SIK2: variants seen among roughly 807,000 people sequenced by gnomAD.
SIK2 encodes the protein salt inducible kinase 2.
In SIK2, 29 loss-of-function variants were observed where a neutral mutation model predicts 103.2. The observed-to-expected ratio is 0.28, with a 90% CI of 0.21 to 0.38. The LOEUF is 0.38. SIK2 is among the 10% of genes least tolerant of loss of function. The pLI, the probability that SIK2 is intolerant of heterozygous loss-of-function variation, is 1.00. For missense variants in SIK2, 879 were observed against 1,171.0 expected, an observed-to-expected ratio of 0.75 and a Z score of 3.64; for synonymous variants, 412 against 446.1, an observed-to-expected ratio of 0.92 and a Z score of 0.96.
rs112539611 is a variant in SIK2, at chr11:111,706,795, A to G, written c.1101+1656A>G. ...GCCAACATGGTGAAACCCCGTCTCT[A>G]CTAAAAATACAAAAATTAGCCGAGT... is the stretch of plus-strand genomic sequence containing the variant. On this transcript the variant is annotated intron_variant, in intron 8 of 14. Coordinates refer to ENST00000304987, the MANE Select transcript of SIK2 (RefSeq NM_015191.3). 4.4e-3 allele frequency among the ~76,000 whole-genome samples: 673 copies of G among 152,120 alleles called. 3 individuals are homozygous for G. The highest frequency in any genetic ancestry group is 0.015 in the African/African-American group (634 of 41,490).
intron 4 of SIK2, among the ~76,000 whole-genome samples, chr11:111,698,512 C>T (rs977722898): frequency 8.4e-4 from 128 of 152,284 alleles, no homozygotes; most frequent in African/African-American, 2.7e-3. Context: ...GAGGCCACAG[C>T]GGGTGGATTG....
intron 8 of SIK2, among the ~76,000 whole-genome samples, chr11:111,707,130 C>A (rs544325428): frequency 6.6e-6 from 1 of 152,040 alleles, no homozygotes; most frequent in Non-Finnish European, 1.5e-5. Flanking sequence ...ACATGTAAGA[C>A]GTAGTGGAAC....
intron 3 of SIK2, among the ~76,000 whole-genome samples, chr11:111,685,874 T>C (rs181830403): frequency 2.8e-4 from 42 of 151,800 alleles, no homozygotes; most frequent in African/African-American, 9.9e-4. Flanking sequence ...ACAAATAAAA[T>C]AAAAGGATGG....
At position 111,727,230 on chromosome 11, in the gene SIK2, C is replaced by T. The variant is rs150560721; in HGVS notation, c.*3101C>T. The T allele has an allele frequency of 2.7e-5, 17 of 625,652 alleles. No individual in the cohort carries two copies. The highest frequency in any genetic ancestry group is 9.1e-5 in the African/African-American group (5 of 54,824). 38.8% of individuals were successfully genotyped at this position (625,652 alleles called of 1,614,324 possible). On this transcript the variant is annotated 3_prime_UTR_variant, in exon 15 of 15. Coordinates refer to ENST00000304987, the MANE Select transcript of SIK2 (RefSeq NM_015191.3). ...ACACCATCCACCTTGAGAATCCCTG[C>T]GTGGGAGAGCATCAGGGCCCACCAG...
intron 3 of SIK2, among the ~76,000 whole-genome samples, chr11:111,662,275 T>C (rs1942477302): frequency 6.6e-6 from 1 of 152,202 alleles, no homozygotes. Flanking sequence ...ATTCGTCAAT[T>C]CAGCAAATAT....
chr11:111,687,841 G>A (rs1286917889), intron 3 of SIK2, among the ~76,000 whole-genome samples, 160 bp from the exon 4 acceptor site: 2 of 151,902 alleles, frequency 1.3e-5, no homozygotes, highest in African/African-American at 4.8e-5. Context: ...TCCTGACCTC[G>A]TGATCTGCCC....
intron 1 of SIK2, among the ~76,000 whole-genome samples, chr11:111,609,762 A>G (rs975239838): frequency 6.6e-6 from 1 of 152,254 alleles, no homozygotes; most frequent in Non-Finnish European, 1.5e-5. Context: ...TACTGCTTTC[A>G]GAAAGTCTTT....
At chr11:111,715,639 G>T (rs1449793355) in intron 9 of SIK2, among the ~76,000 whole-genome samples, 2 of 152,104 alleles carry the variant, frequency 1.3e-5, no homozygotes, top group East Asian at 1.9e-4. Context: ...GTTGGATCAG[G>T]TGTTCCAAAC....
chr11:111,711,187 T>C (rs1268019691), intron 8 of SIK2, among the ~76,000 whole-genome samples: 21 of 151,854 alleles, frequency 1.4e-4, no homozygotes, highest in African/African-American at 4.8e-4. Context: ...GGCGGGATCT[T>C]GGCTCACTGC....
rs1941600211 is a variant in SIK2 at position 111,602,739 on chromosome 11, T to C, written c.135+41T>C. 1.4e-6 allele frequency: 2 copies of C among 1,464,010 alleles called. No homozygotes were observed. Among genetic ancestry groups the C allele is most frequent in the Non-Finnish European group, 1.8e-6 (2 of 1,106,526 alleles). 90.7% of individuals were successfully genotyped at this position (1,464,010 alleles called of 1,614,324 possible). ...CGGCGGGAGCGTCCGAGGCGAGGGT[T>C]CGGGAGAGGAGCTGCTTACCGAGAG... On this transcript the variant is annotated intron_variant, in intron 1 of 14. Transcript: ENST00000304987. The surrounding 1 kb of genome is among the most constrained non-coding windows in gnomAD (Gnocchi z 4.5).
At chr11:111,621,128 G>C (rs117614149) in intron 3 of SIK2, among the ~76,000 whole-genome samples, 1 of 152,068 alleles carries the variant, frequency 6.6e-6, no homozygotes. Flanking sequence ...TATTTAATGC[G>C]TACAATTTAA....
At chr11:111,618,188 C>T (rs1941833943) in intron 2 of SIK2, among the ~76,000 whole-genome samples, 1 of 152,026 alleles carries the variant, frequency 6.6e-6, no homozygotes, top group African/African-American at 2.4e-5. Context: ...AATAGGGTTC[C>T]TACTCCTATG....
chr11:111,643,262 T>G (rs1298399960), intron 3 of SIK2, among the ~76,000 whole-genome samples: 2 of 152,038 alleles, frequency 1.3e-5, no homozygotes, highest in African/African-American at 4.8e-5. Flanking sequence ...CTTTAAAAAT[T>G]TATTATATTT....
intron 2 of SIK2, 133 bp downstream of exon 2, chr11:111,616,492 C>T (rs1484799276): frequency 4.9e-6 from 3 of 612,186 alleles, no homozygotes; most frequent in East Asian, 5.4e-5. Context: ...TTACTAAGTA[C>T]ACCATTTTTC....
In SIK2 at chr11:111,688,283, A is replaced by C; in HGVS notation, c.478+121A>C. ...CTACCTGATGACATCAGGCTATCTC[A>C]AAGTCCATTTTATTCATTTCCTTAG... On this transcript the variant is annotated intron_variant, in intron 4 of 14. Coordinates refer to ENST00000304987, the MANE Select transcript of SIK2 (RefSeq NM_015191.3). The surrounding 1 kb of genome is among the most constrained non-coding windows in gnomAD (Gnocchi z 4.2). The C allele has an allele frequency of 3.2e-6, 3 of 944,418 alleles. No homozygotes were observed. Among genetic ancestry groups the C allele is most frequent in the Non-Finnish European group, 4.8e-6 (3 of 622,896 alleles). 58.5% of individuals were successfully genotyped at this position (944,418 alleles called of 1,614,324 possible).
intron 3 of SIK2, among the ~76,000 whole-genome samples, chr11:111,658,652 G>A (rs1942426918): frequency 6.6e-6 from 1 of 151,990 alleles, no homozygotes; most frequent in African/African-American, 2.4e-5. Context: ...TGAGGTAGGA[G>A]AATCACCTGA....
At chr11:111,646,502 G>A (rs1942259641) in intron 3 of SIK2, among the ~76,000 whole-genome samples, 2 of 152,124 alleles carry the variant, frequency 1.3e-5, no homozygotes, top group Admixed American at 6.5e-5. Flanking sequence ...TATGGCATAT[G>A]TATTAACCCA....
intron 4 of SIK2, among the ~76,000 whole-genome samples, chr11:111,697,669 T>C (rs952227996): frequency 2.0e-5 from 3 of 152,078 alleles, no homozygotes; most frequent in Admixed American, 2.0e-4. Flanking sequence ...CACCAAAGTC[T>C]TCCTTAACCC....
intron 3 of SIK2, among the ~76,000 whole-genome samples, chr11:111,663,417 G>A (rs534542855): frequency 1.3e-5 from 2 of 152,212 alleles, no homozygotes; most frequent in Non-Finnish European, 2.9e-5. Context: ...AAGACTAGAG[G>A]GTGGTAGAGG....
Sources: gnomAD v4.1 joint callset for allele counts (sites outside exome capture counted in the v4.1 genomes callset) on GRCh38, gnomAD v4.1.1 for gene constraint, Gnocchi (gnomAD v3.1) non-coding constraint, MANE v1.5 for transcripts, NCBI Gene and HGNC (gene_info 2026-07-23, HGNC 2026-07-21) for gene names.